Variants in SLC2A13 observed in about 807,000 individuals in gnomAD.
SLC2A13 encodes the protein proton myo-inositol cotransporter.
In SLC2A13, 32 loss-of-function variants were observed where a neutral mutation model predicts 64.4. The observed-to-expected ratio is 0.50, with a 90% CI of 0.37 to 0.67. The LOEUF (loss-of-function observed/expected upper bound fraction) is 0.67, where lower values mean the gene tolerates loss of function less well. Among genes scored for constraint, SLC2A13 ranks in the 30% least tolerant of loss-of-function variants. The pLI, the probability that SLC2A13 is intolerant of heterozygous loss-of-function variation, is 0.00. For synonymous variants in SLC2A13, 338 were observed against 327.1 expected (o/e 1.03, Z -0.36); for missense variants, 743 against 829.2 (o/e 0.90, Z 1.28).
chr12:39,978,579 C>T (rs865789688), intron 3 of SLC2A13, among the ~76,000 whole-genome samples: 23 of 152,140 alleles, frequency 1.5e-4, no homozygotes, highest in Non-Finnish European at 1.5e-4. Context: ...CCTGGAAAAT[C>T]GGGTCACTCC....
chr12:39,988,320 C>T (rs981859801), intron 3 of SLC2A13, among the ~76,000 whole-genome samples: 1 of 151,802 alleles, frequency 6.6e-6, no homozygotes, highest in African/African-American at 2.4e-5. Context: ...TTCTAATCAT[C>T]AACAACATAA....
chr12:40,019,006 G>A (rs1947665775), intron 3 of SLC2A13, among the ~76,000 whole-genome samples: 1 of 152,176 alleles, frequency 6.6e-6, no homozygotes, highest in Non-Finnish European at 1.5e-5. Flanking sequence ...TTTCTGAAGA[G>A]GAGAGGGACA....
intron 2 of SLC2A13, among the ~76,000 whole-genome samples, chr12:40,030,489 T>C (rs1056894132): frequency 1.2e-4 from 19 of 152,142 alleles, no homozygotes; most frequent in African/African-American, 4.6e-4. Flanking sequence ...GGAAATAAAT[T>C]TTAAAAGTCC....
intron 4 of SLC2A13, 149 bp downstream of exon 4, chr12:39,951,108 G>A (rs1210548366): frequency 3.2e-5 from 18 of 569,338 alleles, no homozygotes; most frequent in Non-Finnish European, 1.2e-5. Context: ...TTAAAAAATT[G>A]TAAAGTCAGT....
chr12:39,908,016 G>C (rs7134965), intron 4 of SLC2A13: 64,859 of 151,768 alleles, frequency 0.43, 14,341 homozygotes, highest in East Asian at 0.76. Context: ...CAAAATTCAT[G>C]AACCACAATT....
chr12:39,925,997 T>C (rs1945722029), intron 4 of SLC2A13, among the ~76,000 whole-genome samples: 1 of 152,156 alleles, frequency 6.6e-6, no homozygotes, highest in Admixed American at 6.6e-5. Flanking sequence ...ATATGACAGA[T>C]AGTAAAATAA....
chr12:39,831,376 C>T (rs1267403449), intron 6 of SLC2A13, among the ~76,000 whole-genome samples: 2 of 152,040 alleles, frequency 1.3e-5, no homozygotes, highest in African/African-American at 4.8e-5. Flanking sequence ...AAAGATCAGT[C>T]AGCACAGACT....
chr12:39,812,388 T>TTCTC (rs144685789), intron 7 of SLC2A13, among the ~76,000 whole-genome samples: 2 of 124,822 alleles, frequency 1.6e-5, no homozygotes, highest in Non-Finnish European at 3.8e-5. Context: ...TTTTCTTTCT[T>TTCTC]TCTCTCTCTC....
intron 3 of SLC2A13, among the ~76,000 whole-genome samples, chr12:39,987,330 C>G (rs751812494): frequency 2.6e-5 from 4 of 152,162 alleles, no homozygotes; most frequent in Non-Finnish European, 5.9e-5. Context: ...TACATCTATA[C>G]ACTGCTGATT....
intron 6 of SLC2A13, among the ~76,000 whole-genome samples, chr12:39,848,429 A>T (rs555672747): frequency 4.7e-4 from 72 of 152,310 alleles, no homozygotes; most frequent in Non-Finnish European, 9.1e-4. Context: ...AAAAAATTCC[A>T]TATCACTAAT....
Position 40,105,433 on chromosome 12 carries a change from T to C in SLC2A13, c.376A>G (p.Ser126Gly), listed in dbSNP as rs778773485. 1.4e-5 allele frequency: 22 copies of C among 1,554,414 alleles called. No homozygotes were observed. In the East Asian group the frequency reaches 4.6e-4, roughly 33 times the overall value. Residue 126 changes from serine to glycine, a missense_variant, in exon 1 of 10, where the codon AGC (serine) becomes GGC (glycine). Coordinates refer to ENST00000280871, the MANE Select transcript of SLC2A13 (RefSeq NM_052885.4). The surrounding 1 kb of genome is among the most constrained non-coding windows in gnomAD (Gnocchi z 4.2). Reference sequence around the variant, plus strand: ...GAGACGGCAGCCGCCCCCACCGTGCTGGACACCAGCAGCTCCTGCCACAGC... The same window carrying C: ...GAGACGGCAGCCGCCCCCACCGTGCCGGACACCAGCAGCTCCTGCCACAGC... ...DALWQELLVS[S>G]TVGAAAVSAL...
At chr12:39,850,120 T>G (rs1046864833) in intron 6 of SLC2A13, among the ~76,000 whole-genome samples, 6 of 152,218 alleles carry the variant, frequency 3.9e-5, no homozygotes, top group African/African-American at 1.4e-4. Context: ...TCCAACCAAC[T>G]CCTTTCTCCT....
At chr12:39,986,527 A>C (rs1947034348) in intron 3 of SLC2A13, among the ~76,000 whole-genome samples, 1 of 152,158 alleles carries the variant, frequency 6.6e-6, no homozygotes, top group Admixed American at 6.5e-5. Flanking sequence ...ATTACTGAAA[A>C]AAAATGAAAA....
chr12:39,864,628 C>T, intron 6 of SLC2A13, 134 bp downstream of exon 6: 2 of 1,228,396 alleles, frequency 1.6e-6, no homozygotes, highest in East Asian at 2.5e-5. Flanking sequence ...CCACCTTTCC[C>T]ATTTTCTTCC....
At chr12:39,784,080 A>C (rs960192814) in intron 7 of SLC2A13, among the ~76,000 whole-genome samples, 1 of 152,264 alleles carries the variant, frequency 6.6e-6, no homozygotes, top group African/African-American at 2.4e-5. Flanking sequence ...AAAAGAGGAC[A>C]CAAACAAATG....
chr12:39,980,514 G>T (rs1381021994), intron 3 of SLC2A13, among the ~76,000 whole-genome samples: 1 of 151,246 alleles, frequency 6.6e-6, no homozygotes, highest in Non-Finnish European at 1.5e-5. Flanking sequence ...AAAAGGCAGG[G>T]GTTGCAATCC....
At chr12:39,896,026 A>G (rs931946723) in intron 4 of SLC2A13, among the ~76,000 whole-genome samples, 12 of 134,768 alleles carry the variant, frequency 8.9e-5, no homozygotes, top group Admixed American at 6.2e-4. Context: ...ATGTATACAT[A>G]CATGCATATG....
At chr12:39,835,194 C>T (rs958659921) in intron 6 of SLC2A13, among the ~76,000 whole-genome samples, 1 of 152,032 alleles carries the variant, frequency 6.6e-6, no homozygotes, top group Non-Finnish European at 1.5e-5. Flanking sequence ...CACAGTGTGA[C>T]CTGGACTAAG....
At chr12:39,863,894 T>G (rs571953764) in intron 6 of SLC2A13, among the ~76,000 whole-genome samples, 1 of 152,336 alleles carries the variant, frequency 6.6e-6, no homozygotes, top group African/African-American at 2.4e-5. Context: ...TGTTTTAATT[T>G]CATATAGGGT....
Sources: allele counts gnomAD v4.1 joint callset (sites outside exome capture counted in the v4.1 genomes callset), GRCh38; gene constraint gnomAD v4.1.1; non-coding constraint Gnocchi (gnomAD v3.1); transcripts MANE v1.5; gene names NCBI Gene and HGNC (gene_info 2026-07-23, HGNC 2026-07-21).